ZBTB7A: variants seen among roughly 807,000 people sequenced by gnomAD.
ZBTB7A encodes zinc finger and BTB domain-containing protein 7A.
In ZBTB7A, 7 loss-of-function variants were observed where a neutral mutation model predicts 26.7. That is an observed-to-expected ratio of 0.26 (90% CI 0.15 to 0.49). The LOEUF (loss-of-function observed/expected upper bound fraction) is 0.49. Among genes scored for constraint, ZBTB7A ranks in the 20% least tolerant of loss-of-function variants. ZBTB7A has a pLI of 0.98. For missense variants in ZBTB7A, 617 were observed against 919.5 expected (o/e 0.67, Z 4.25); for synonymous variants, 452 against 441.0 (o/e 1.02, Z -0.31).
In ZBTB7A at chr19:4,046,572, C is replaced by A. The variant is rs1220709753; in HGVS notation, c.*1180G>T. On this transcript the variant is annotated 3_prime_UTR_variant, in exon 3 of 3. Transcript: ENST00000322357. ...CCAAGACTTCTAATGTGGTTGGTTG[C>A]CTTTTTTTTTTTCCTTCCTTTCATT... The A allele has an allele frequency of 6.8e-6, 1 of 146,416 alleles. No homozygotes were observed. The highest frequency in any genetic ancestry group is 2.6e-5 in the African/African-American group (1 of 38,146). 9.1% of individuals were successfully genotyped at this position (146,416 alleles called of 1,614,324 possible).
chr19:4,065,477 T>TGGC, intron 1 of ZBTB7A: 1 of 142,436 alleles, frequency 7.0e-6, no homozygotes, highest in South Asian at 2.0e-4. Context: ...GCGGCGGCGG[T>TGGC]GGCGGCGGCT....
chr19:4,063,702 G>A (rs535398372), intron 1 of ZBTB7A, among the ~76,000 whole-genome samples: 1 of 152,174 alleles, frequency 6.6e-6, no homozygotes, highest in Non-Finnish European at 1.5e-5. Context: ...GTGGGCAGGC[G>A]CCCCTGGGCC....
intron 1 of ZBTB7A, 176 bp from the exon 2 acceptor site, chr19:4,055,423 C>T (rs1053586353): frequency 1.0e-5 from 10 of 985,350 alleles, no homozygotes; most frequent in Middle Eastern, 5.2e-4. Context: ...CCAGCTTCCC[C>T]AGCTGTGCAC....
Position 4,045,779 on chromosome 19 carries a change from C to T in ZBTB7A, c.*1973G>A, listed in dbSNP as rs1354238706. The T allele has an allele frequency of 1.3e-5, 5 of 397,838 alleles. No homozygotes were observed. In the Admixed American group the frequency reaches 2.2e-4, roughly 18 times the overall value. The allele number at this position is 397,838 out of a possible 1,614,324, so 24.6% of individuals were successfully genotyped here. A position where few individuals can be genotyped will look rare whatever the true frequency, so the allele number is the denominator to read the frequency against. On this transcript the variant is annotated 3_prime_UTR_variant, in exon 3 of 3. Coordinates refer to ENST00000322357, the MANE Select transcript of ZBTB7A (RefSeq NM_015898.4). The surrounding 1 kb of genome is among the most constrained non-coding windows in gnomAD (Gnocchi z 4.1). ...GCGACATAGTCTCCCCAACCCCGGC[C>T]CCTGTCCGTGGCCTGTGGCTCGGTC...
At chr19:4,065,325 C>T (rs2040683243) in intron 1 of ZBTB7A, 2 of 147,026 alleles carry the variant, frequency 1.4e-5, no homozygotes, top group South Asian at 4.2e-4. Flanking sequence ...TGAGTCAGGC[C>T]CGGGCGGGGG....
chr19:4,045,870 C>G lies in ZBTB7A; in HGVS notation c.*1882G>C, dbSNP rs887922331. 1.1e-4 allele frequency: 42 copies of G among 398,574 alleles called. No homozygotes were observed. The East Asian group carries it at 1.4e-3, about 14-fold the overall frequency. The allele number at this position is 398,574 out of a possible 1,614,324, so 24.7% of individuals were successfully genotyped here. A position where few individuals can be genotyped will look rare whatever the true frequency, so the allele number is the denominator to read the frequency against. ...GGTCCCAGTCCCCCTGGATTACAGT[C>G]AGTGCCTTTGAGTAAAAAGAGGGGT... is the stretch of plus-strand genomic sequence containing the variant. On this transcript the variant is annotated 3_prime_UTR_variant, in exon 3 of 3. Transcript: ENST00000322357. This position sits in a 1 kb window ranked among gnomAD's most constrained non-coding sequence, Gnocchi z 4.1.
At position 4,054,573 on chromosome 19, in the gene ZBTB7A, A is replaced by ATAG; in HGVS notation, c.657_659dup (p.Tyr220dup). ...GCCGCTCGGCCGGGGGGCCCGGCCCATAGAAGTCTAAGCCGTTGCAGTCGC... is the reference window on the plus strand; with the variant it reads ...GCCGCTCGGCCGGGGGGCCCGGCCCATAGTAGAAGTCTAAGCCGTTGCAGTCGC... On this transcript the variant is annotated inframe_insertion, in exon 2 of 3. Transcript: ENST00000322357. The ATAG allele has an allele frequency of 6.5e-7, 1 of 1,528,194 alleles. No individual in the cohort carries two copies. Among genetic ancestry groups the ATAG allele is most frequent in the Non-Finnish European group, 8.7e-7 (1 of 1,148,648 alleles). 94.7% of individuals were successfully genotyped at this position (1,528,194 alleles called of 1,614,324 possible).
intron 2 of ZBTB7A, among the ~76,000 whole-genome samples, chr19:4,050,374 T>C (rs2040489252): frequency 6.6e-6 from 1 of 152,220 alleles, no homozygotes; most frequent in Non-Finnish European, 1.5e-5. Context: ...CTCTCTTGTT[T>C]CTGTTGATTT....
chr19:4,059,099 C>T (rs573772287), intron 1 of ZBTB7A, among the ~76,000 whole-genome samples: 2 of 152,286 alleles, frequency 1.3e-5, no homozygotes, highest in East Asian at 1.9e-4. Context: ...CCCTGGGCCG[C>T]GGGGAGCGTG....
intron 1 of ZBTB7A, chr19:4,055,458 A>G: frequency 1.0e-6 from 1 of 985,288 alleles, no homozygotes; most frequent in Non-Finnish European, 1.2e-6. Context: ...CCCTGCCTCC[A>G]GCCTCTTTTC....
At chr19:4,060,440 T>C (rs2040627357) in intron 1 of ZBTB7A, among the ~76,000 whole-genome samples, 1 of 152,210 alleles carries the variant, frequency 6.6e-6, no homozygotes, top group South Asian at 2.1e-4. Context: ...GCTCCCAAAC[T>C]AACTGGGCAC....
intron 1 of ZBTB7A, among the ~76,000 whole-genome samples, chr19:4,064,234 C>T (rs1414419598): frequency 6.6e-6 from 1 of 152,228 alleles, no homozygotes; most frequent in Non-Finnish European, 1.5e-5. Context: ...ATAATAAATA[C>T]CCCCCGGACT....
chr19:4,051,552 C>T (rs2040504234), intron 2 of ZBTB7A, among the ~76,000 whole-genome samples: 1 of 152,216 alleles, frequency 6.6e-6, no homozygotes, highest in Non-Finnish European at 1.5e-5. Context: ...CAGACCCCTA[C>T]CTTATCTCTA....
Position 4,044,957 on chromosome 19 carries a change from T to C in ZBTB7A, c.*2795A>G, listed in dbSNP as rs1375883747. The C allele has an allele frequency of 7.1e-6, 1 of 140,098 alleles. No individual in the cohort carries two copies. The highest frequency in any genetic ancestry group is 1.6e-5 in the Non-Finnish European group (1 of 64,400). The allele number at this position is 140,098 out of a possible 1,614,324, so 8.7% of individuals were successfully genotyped here. A position where few individuals can be genotyped will look rare whatever the true frequency, so the allele number is the denominator to read the frequency against. ...ATATACAGTATGTGATTGCGCGGAG[T>C]CTGGGGAGGGCGGGGCTGGGCTGGG... On this transcript the variant is annotated 3_prime_UTR_variant, in exon 3 of 3. Coordinates refer to ENST00000322357, the MANE Select transcript of ZBTB7A (RefSeq NM_015898.4).
chr19:4,060,656 C>T lies in ZBTB7A; in HGVS notation c.-15-5409G>A, dbSNP rs575667026. Among the ~76,000 whole-genome samples the T allele has an allele frequency of 2.6e-5, 4 of 152,346 alleles. No individual in the cohort carries two copies. The East Asian group carries it at 7.7e-4, about 29-fold the overall frequency. On this transcript the variant is annotated intron_variant, in intron 1 of 2. Transcript: ENST00000322357. ...CGGCATCCCAAGAAGGGCACCCCAG[C>T]ACGGGGAGCATCAGGAACTGAGGCC...
In ZBTB7A at chr19:4,054,180, G is replaced by T; in HGVS notation, c.1053C>A (p.Tyr351Ter). Reference protein sequence around the residue: ...SRADDKGVMDYYLKYFSGAHD... With the variant: ...SRADDKGVMD The stretch of plus-strand genomic sequence containing the variant: ...GGGCGCCGCTGAAGTACTTCAGGTA[G>T]TAGTCCATGACGCCCTTGTCGTCGG... The change falls in exon 2 of 3, where the codon TAC (tyrosine) becomes TAA (stop). Residue 351 changes from tyrosine (Y) to a stop codon, truncating the protein, a stop_gained. Transcript: ENST00000322357. LOFTEE classifies it high-confidence loss of function. 1 of 1,599,310 alleles carries T rather than the reference G, an allele frequency of 6.3e-7. No individual in the cohort carries two copies.
At chr19:4,050,128 T>C (rs765561295) in intron 2 of ZBTB7A, among the ~76,000 whole-genome samples, 58 of 152,172 alleles carry the variant, frequency 3.8e-4, no homozygotes, top group Non-Finnish European at 7.6e-4. Context: ...TTTCACCATG[T>C]TGGCCGGGCT....
At chr19:4,065,588 G>A (rs982196572) in intron 1 of ZBTB7A, 2 of 145,610 alleles carry the variant, frequency 1.4e-5, no homozygotes, top group Non-Finnish European at 3.1e-5. Flanking sequence ...GGGCTGGGGG[G>A]AGGGCGATGC....
chr19:4,054,316 C>CCGTCCT lies in ZBTB7A; in HGVS notation c.911_916dup (p.Glu304_Asp305dup). The CCGTCCT allele has an allele frequency of 2.6e-6, 4 of 1,523,482 alleles. No homozygotes were observed. The highest frequency in any genetic ancestry group is 3.5e-6 in the Non-Finnish European group (4 of 1,142,228). 94.4% of individuals were successfully genotyped at this position (1,523,482 alleles called of 1,614,324 possible). On this transcript the variant is annotated inframe_insertion, in exon 2 of 3. Transcript: ENST00000322357. ...CAGCCCGTCCACGTCGGGCCCGTCC[C>CCGTCCT]CGTCCTCGCCCTCGGCCGCTCCCGA...
Sources: allele counts gnomAD v4.1 joint callset (sites outside exome capture counted in the v4.1 genomes callset), GRCh38; gene constraint gnomAD v4.1.1; non-coding constraint Gnocchi (gnomAD v3.1); transcripts MANE v1.5; gene names NCBI Gene and HGNC (gene_info 2026-07-23, HGNC 2026-07-21).